The following RGS17 variants were observed in gnomAD, a reference collection of about 807,000 sequenced individuals.
The protein encoded by RGS17 is regulator of G protein signaling 17, also known as regulator of G-protein signaling 17.
In RGS17, 12 loss-of-function variants were observed where a neutral mutation model predicts 25.5. The observed-to-expected ratio is 0.47, with a 90% CI of 0.30 to 0.76. The LOEUF (loss-of-function observed/expected upper bound fraction) is 0.76. Among genes scored for constraint, RGS17 ranks in the 30% least tolerant of loss-of-function variants. The pLI, the probability that RGS17 is intolerant of heterozygous loss-of-function variation, is 0.07. For synonymous variants in RGS17, 71 were observed against 76.9 expected (o/e 0.92, Z 0.40); for missense variants, 196 against 242.2 (o/e 0.81, Z 1.27).
chr6:153,120,009 C>A (rs1301812653), intron 1 of RGS17, among the ~76,000 whole-genome samples: 1 of 152,228 alleles, frequency 6.6e-6, no homozygotes, highest in Non-Finnish European at 1.5e-5. Flanking sequence ...CCATGTCTCA[C>A]ACAAATTATT....
chr6:153,031,328 A>G (rs1779361301), intron 2 of RGS17, among the ~76,000 whole-genome samples: 1 of 152,254 alleles, frequency 6.6e-6, no homozygotes, highest in Non-Finnish European at 1.5e-5. Context: ...ACAGATGCTT[A>G]GTTGAATGGA....
chr6:153,040,089 G>A (rs888148694), intron 2 of RGS17, among the ~76,000 whole-genome samples: 3 of 25,168 alleles, frequency 1.2e-4, no homozygotes, highest in African/African-American at 1.0e-3. Flanking sequence ...GTGTATTTAA[G>A]GATGTTAATG....
chr6:153,127,053 C>T (rs1010672681), intron 1 of RGS17, among the ~76,000 whole-genome samples: 2 of 152,176 alleles, frequency 1.3e-5, no homozygotes, highest in African/African-American at 4.8e-5. Flanking sequence ...AACTGTTCCA[C>T]GTCAGCTCAT....
chr6:153,105,695 T>C (rs1584159575), intron 1 of RGS17, among the ~76,000 whole-genome samples: 1 of 151,730 alleles, frequency 6.6e-6, no homozygotes, highest in Admixed American at 6.7e-5. Flanking sequence ...GGTGACAGCA[T>C]GGACAAAAAC....
intron 4 of RGS17, among the ~76,000 whole-genome samples, chr6:153,023,571 G>C (rs529259961): frequency 2.0e-5 from 3 of 152,334 alleles, no homozygotes; most frequent in African/African-American, 7.2e-5. Context: ...GTTGCTAGAA[G>C]TATTGCTTAT....
intron 1 of RGS17, among the ~76,000 whole-genome samples, chr6:153,062,224 T>G (rs141369889): frequency 1.6e-3 from 246 of 152,186 alleles, no homozygotes; most frequent in African/African-American, 5.5e-3. Context: ...AAAGAGGTAC[T>G]GAAGAGGTAG....
intron 2 of RGS17, among the ~76,000 whole-genome samples, chr6:153,040,077 A>ATGCCTGGATTTGGGCATCCATTCCT (rs35364459): frequency 1.3e-5 from 2 of 151,850 alleles, no homozygotes; most frequent in Non-Finnish European, 2.9e-5. Context: ...TGTCCATTTT[A>ATGCCTGGATTTGGGCATCCATTCCT]TGTGTATTTA....
rs1779116731 is a variant in RGS17 at position 153,010,302 on chromosome 6, T to A, written c.*1272A>T. 1 of 151,980 alleles carries A rather than the reference T, an allele frequency of 6.6e-6. No individual in the cohort carries two copies. Among genetic ancestry groups the A allele is most frequent in the Admixed American group, 6.6e-5 (1 of 15,266 alleles). 9.4% of individuals were successfully genotyped at this position (151,980 alleles called of 1,614,324 possible). A position where few individuals can be genotyped will look rare whatever the true frequency, so the allele number is the denominator to read the frequency against. ...TGTTTCCTTGAAGGTCAGAAGTACA[T>A]GACAATGTCAGGCAAGTGTTTTGTC... On this transcript the variant is annotated 3_prime_UTR_variant, in exon 5 of 5. Coordinates refer to ENST00000206262, the MANE Select transcript of RGS17 (RefSeq NM_012419.5).
intron 1 of RGS17, among the ~76,000 whole-genome samples, chr6:153,056,669 G>T (rs1026482239): frequency 6.6e-6 from 1 of 152,068 alleles, no homozygotes; most frequent in African/African-American, 2.4e-5. Context: ...TAACCTAACT[G>T]CTGTCTTCAA....
chr6:153,089,493 T>C (rs887044788), intron 1 of RGS17, among the ~76,000 whole-genome samples: 1 of 152,114 alleles, frequency 6.6e-6, no homozygotes, highest in Non-Finnish European at 1.5e-5. Context: ...TGAATGTTGC[T>C]TCTGCCATCA....
chr6:153,043,965 A>C lies in RGS17; in HGVS notation c.54T>G (p.Ala18=), dbSNP rs2295230. 0.33 allele frequency: 532,275 copies of C among 1,610,784 alleles called. 95,162 individuals are homozygous for C. Among genetic ancestry groups the C allele is most frequent in the East Asian group, 0.6 (26,678 of 44,656 alleles). The change falls in exon 2 of 5, where the codon GCT becomes GCG. Residue 18 remains alanine, a synonymous_variant. Transcript: ENST00000206262. ...TGTTGTTGGGCCTCTGGTTTCCAGG[A>C]GCTTGAGACACGGCAGGTGTTCCTT... The part of the protein sequence containing the change: ...QNEGTPAVSQ[A]PGNQRPNNTC...
chr6:153,103,270 T>A (rs892931399), intron 1 of RGS17, among the ~76,000 whole-genome samples: 13 of 152,216 alleles, frequency 8.5e-5, no homozygotes, highest in African/African-American at 2.7e-4. Flanking sequence ...ATGTTTCATA[T>A]CTTTATGATG....
At chr6:153,091,252 G>C (rs1450231208) in intron 1 of RGS17, among the ~76,000 whole-genome samples, 1 of 152,054 alleles carries the variant, frequency 6.6e-6, no homozygotes, top group African/African-American at 2.4e-5. Flanking sequence ...CAATCTAAAG[G>C]CACAAGTGAT....
At chr6:153,120,786 G>C (rs1450657899) in intron 1 of RGS17, among the ~76,000 whole-genome samples, 1 of 152,092 alleles carries the variant, frequency 6.6e-6, no homozygotes, top group Non-Finnish European at 1.5e-5. Flanking sequence ...TGCACAAAAT[G>C]GTTTTAATTT....
chr6:153,026,482 T>G lies in RGS17; in HGVS notation c.181A>C (p.Met61Leu), dbSNP rs1424141903. Residue 61 changes from methionine to leucine, a missense_variant, in exon 3 of 5, where the codon ATG (methionine) becomes CTG (leucine). Physicochemically the swap from Met to Leu is conservative, Grantham distance 15. This residue lies in a region of RGS17 where 179 missense variants were observed against 197.6 expected (regional missense o/e 0.91). Transcript: ENST00000206262. ...NAGRPTHTTKMESIQVLEECQ... is the reference protein window; with the variant it reads ...NAGRPTHTTKLESIQVLEECQ... ...TCCTCTAGGACCTGGATACTCTCCATTTTTGTAGTGTGTGTGGGTCTTCCC... is the reference window on the plus strand; with the variant it reads ...TCCTCTAGGACCTGGATACTCTCCAGTTTTGTAGTGTGTGTGGGTCTTCCC... The G allele has an allele frequency of 3.1e-6, 5 of 1,613,184 alleles. No individual in the cohort carries two copies. In the East Asian group the frequency reaches 1.1e-4, roughly 36 times the overall value.
At chr6:153,117,778 CTGAGT>C in intron 1 of RGS17, among the ~76,000 whole-genome samples, 1 of 152,210 alleles carries the variant, frequency 6.6e-6, no homozygotes, top group Middle Eastern at 3.2e-3. Context: ...CAGTACTGAG[CTGAGT>C]TCTTTCCCAT....
chr6:153,095,117 G>A (rs1449534671), intron 1 of RGS17, among the ~76,000 whole-genome samples: 1 of 151,992 alleles, frequency 6.6e-6, no homozygotes, highest in Non-Finnish European at 1.5e-5. Flanking sequence ...AAAATAATTT[G>A]GGAAAAATAG....
chr6:153,029,617 G>T (rs1290970845), intron 2 of RGS17, among the ~76,000 whole-genome samples: 1 of 150,400 alleles, frequency 6.6e-6, no homozygotes, highest in African/African-American at 2.5e-5. Flanking sequence ...TTAAGACGGA[G>T]TGTTGCTCTG....
chr6:153,120,814 T>C (rs1012379022), intron 1 of RGS17, among the ~76,000 whole-genome samples: 4 of 151,152 alleles, frequency 2.6e-5, no homozygotes, highest in African/African-American at 9.7e-5. Flanking sequence ...TCTGCATCTA[T>C]CTTTATTTAC....
Sources: gnomAD v4.1 joint callset for allele counts (sites outside exome capture counted in the v4.1 genomes callset) on GRCh38, gnomAD v4.1.1 for gene constraint, gnomAD v4.1.1 regional missense constraint, MANE v1.5 for transcripts, NCBI Gene and HGNC (gene_info 2026-07-23, HGNC 2026-07-21) for gene names.